GPRIN3: variants seen among roughly 807,000 people sequenced by gnomAD.
GPRIN3 encodes G protein-regulated inducer of neurite outgrowth 3.
In GPRIN3, 12 loss-of-function variants were observed where a neutral mutation model predicts 13.7. The observed-to-expected ratio is 0.87, with a 90% CI of 0.56 to 1.42. The LOEUF (loss-of-function observed/expected upper bound fraction) is 1.42, where lower values mean the gene tolerates loss of function less well. Among genes scored for constraint, GPRIN3 ranks in the 40% most tolerant of loss-of-function variants. GPRIN3 has a pLI of 0.00. For missense variants in GPRIN3, 1,009 were observed against 958.7 expected (o/e 1.05, Z -0.69); for synonymous variants, 377 against 372.7 (o/e 1.01, Z -0.13).
Position 89,246,493 on chromosome 4 carries a change from A to G in GPRIN3, c.*1287T>C, listed in dbSNP as rs1723104329. On this transcript the variant is annotated 3_prime_UTR_variant, in exon 2 of 2. Coordinates refer to ENST00000609438, the MANE Select transcript of GPRIN3 (RefSeq NM_198281.3). ...CTCTTCTGGAGACACGGGAGGGCCA[A>G]GGTCCCAGGAAGTATAATCCACCCA... 6.6e-6 allele frequency: 1 copy of G among 152,230 alleles called. No homozygotes were observed. The highest frequency in any genetic ancestry group is 2.1e-4 in the South Asian group (1 of 4,830). The allele number at this position is 152,230 out of a possible 1,614,324, so 9.4% of individuals were successfully genotyped here. A position where few individuals can be genotyped will look rare whatever the true frequency, so the allele number is the denominator to read the frequency against.
At chr4:89,273,511 A>G (rs1724015089) in intron 1 of GPRIN3, among the ~76,000 whole-genome samples, 1 of 152,134 alleles carries the variant, frequency 6.6e-6, no homozygotes, top group African/African-American at 2.4e-5. Flanking sequence ...AAATGGTTAA[A>G]CCCTGTCTCT....
Position 89,248,007 on chromosome 4 carries a change from C to CGTCCAAG in GPRIN3, c.2097_2103dup (p.Ala702LeufsTer22). ...TGGATCGCGATTCCCAGGGACTCTG[C>CGTCCAAG]GTCCAAGGATGCACCATACACTTCC... is the stretch of plus-strand genomic sequence containing the variant. On this transcript the variant is annotated frameshift_variant, in exon 2 of 2. Transcript: ENST00000609438. LOFTEE classifies it high-confidence loss of function. The CGTCCAAG allele has an allele frequency of 6.2e-7, 1 of 1,614,076 alleles. No homozygotes were observed.
intron 1 of GPRIN3, among the ~76,000 whole-genome samples, chr4:89,265,197 A>T (rs1364519075): frequency 2.6e-5 from 4 of 152,150 alleles, no homozygotes; most frequent in African/African-American, 9.7e-5. Flanking sequence ...TGCCACCATA[A>T]TTATTATTAT....
chr4:89,253,848 C>G (rs1044687347), intron 1 of GPRIN3, among the ~76,000 whole-genome samples: 1 of 152,130 alleles, frequency 6.6e-6, no homozygotes, highest in Admixed American at 6.5e-5. Context: ...ATGGAATTGT[C>G]ACAGCATCTC....
chr4:89,248,392 G>C lies in GPRIN3; in HGVS notation c.1719C>G (p.Gly573=), dbSNP rs1453380216. ...LLNPKSQESG[G]TESAANPTPS... ...GTGTAGGATTAGCAGCTGATTCTGT[G>C]CCTCCACTTTCTTGGGATTTAGGAT... Residue 573 remains glycine, a synonymous_variant, in exon 2 of 2, where the codon GGC becomes GGG. Coordinates refer to ENST00000609438, the MANE Select transcript of GPRIN3 (RefSeq NM_198281.3). The C allele has an allele frequency of 1.2e-6, 2 of 1,614,100 alleles. No individual in the cohort carries two copies. Among genetic ancestry groups the C allele is most frequent in the African/African-American group, 1.3e-5 (1 of 75,018 alleles).
chr4:89,248,844 T>C lies in GPRIN3; in HGVS notation c.1267A>G (p.Ile423Val). 3 of 1,614,196 alleles carry C rather than the reference T, an allele frequency of 1.9e-6. No homozygotes were observed. The highest frequency in any genetic ancestry group is 1.1e-5 in the South Asian group (1 of 91,086). ...LPGGVLKTSS[I>V]NLVSSNAQHT... is the part of the protein sequence containing the mutation. ...TGGGCATTACTGGAGACCAAATTGA[T>C]TGATGAGGTTTTAAGGACCCCACCT... The change falls in exon 2 of 2, where the codon ATC becomes GTC. Residue 423 changes from isoleucine to valine, a missense_variant. Transcript: ENST00000609438.
rs1367672309 is a variant in GPRIN3 at position 89,237,569 on chromosome 4, G to A, written c.*10211C>T. ...GACACAGCAAACAGGCACCACACGT[G>A]AGCCGGCAAGTAGGCCCTCACCAGA... On this transcript the variant is annotated 3_prime_UTR_variant, in exon 2 of 2. Transcript: ENST00000609438. 1 of 152,120 alleles carries A rather than the reference G, an allele frequency of 6.6e-6. No individual in the cohort carries two copies. The highest frequency in any genetic ancestry group is 1.5e-5 in the Non-Finnish European group (1 of 68,032). 9.4% of individuals were successfully genotyped at this position (152,120 alleles called of 1,614,324 possible).
chr4:89,248,941 T>G lies in GPRIN3; in HGVS notation c.1170A>C (p.Pro390=). The change falls in exon 2 of 2, where the codon CCA becomes CCC. Residue 390 remains proline, a synonymous_variant. Coordinates refer to ENST00000609438, the MANE Select transcript of GPRIN3 (RefSeq NM_198281.3). ...QESSQCPGIM[P]QVHIQAAAAE... ...CTGCAGCTGCCTGAATGTGCACCTGTGGCATGATGCCAGGGCACTGGCTGG... is the reference window on the plus strand; with the variant it reads ...CTGCAGCTGCCTGAATGTGCACCTGGGGCATGATGCCAGGGCACTGGCTGG... 6.8e-6 allele frequency: 11 copies of G among 1,614,148 alleles called. No homozygotes were observed. Among genetic ancestry groups the G allele is most frequent in the Non-Finnish European group, 9.3e-6 (11 of 1,179,992 alleles).
intron 1 of GPRIN3, among the ~76,000 whole-genome samples, chr4:89,261,166 C>T (rs1723611209): frequency 6.6e-6 from 1 of 152,042 alleles, no homozygotes. Context: ...AGTTTCTCAC[C>T]CTGGAACTAT....
chr4:89,277,781 C>A (rs553396925), intron 1 of GPRIN3, among the ~76,000 whole-genome samples: 114 of 152,302 alleles, frequency 7.5e-4, no homozygotes, highest in African/African-American at 2.6e-3. Context: ...ATCCAAAGGA[C>A]TTTCTGCCCT....
At chr4:89,276,212 G>C (rs927427422) in intron 1 of GPRIN3, among the ~76,000 whole-genome samples, 11 of 152,064 alleles carry the variant, frequency 7.2e-5, no homozygotes, top group African/African-American at 2.7e-4. Context: ...CTATGCACCA[G>C]ATATCATGTA....
rs556612207 is a variant in GPRIN3, at chr4:89,239,340, T to A, written c.*8440A>T. ...TAATTTTTCTGGGTATTATTCAAATTAATACACATCTTTCAAAAATAATCA... is the reference window on the plus strand; with the variant it reads ...TAATTTTTCTGGGTATTATTCAAATAAATACACATCTTTCAAAAATAATCA... On this transcript the variant is annotated 3_prime_UTR_variant, in exon 2 of 2. Coordinates refer to ENST00000609438, the MANE Select transcript of GPRIN3 (RefSeq NM_198281.3). 393 of 152,276 alleles carry A rather than the reference T, an allele frequency of 2.6e-3. 5 individuals carry two copies. Among genetic ancestry groups the A allele is most frequent in the African/African-American group, 9.1e-3 (377 of 41,570 alleles). 9.4% of individuals were successfully genotyped at this position (152,276 alleles called of 1,614,324 possible). A position where few individuals can be genotyped will look rare whatever the true frequency, so the allele number is the denominator to read the frequency against.
Position 89,243,263 on chromosome 4 carries a change from A to G in GPRIN3, c.*4517T>C, listed in dbSNP as rs1390674751. The G allele has an allele frequency of 6.6e-6, 1 of 152,176 alleles. No individual in the cohort carries two copies. Among genetic ancestry groups the G allele is most frequent in the African/African-American group, 2.4e-5 (1 of 41,444 alleles). 9.4% of individuals were successfully genotyped at this position (152,176 alleles called of 1,614,324 possible). On this transcript the variant is annotated 3_prime_UTR_variant, in exon 2 of 2. Coordinates refer to ENST00000609438, the MANE Select transcript of GPRIN3 (RefSeq NM_198281.3). ...ACTATTTTTTTTCCCATTTGCAAAA[A>G]TGTCTAAAATTTTGTAGACATCCTT... is the stretch of plus-strand genomic sequence containing the variant.
chr4:89,306,488 C>T (rs1047692018), intron 1 of GPRIN3, among the ~76,000 whole-genome samples: 2 of 152,188 alleles, frequency 1.3e-5, no homozygotes, highest in Non-Finnish European at 2.9e-5. Context: ...TCTAGTCCCA[C>T]CATGACCCAG....
chr4:89,259,875 ACAC>A (rs756900043), intron 1 of GPRIN3, among the ~76,000 whole-genome samples: 1 of 152,192 alleles, frequency 6.6e-6, no homozygotes, highest in Non-Finnish European at 1.5e-5. Flanking sequence ...CTCACATCAG[ACAC>A]CACCAAGTCA....
chr4:89,300,591 T>C (rs1456551806), intron 1 of GPRIN3, among the ~76,000 whole-genome samples: 1 of 152,114 alleles, frequency 6.6e-6, no homozygotes, highest in African/African-American at 2.4e-5. Flanking sequence ...ACAGGTAAAG[T>C]GAAGAGTACC....
intron 1 of GPRIN3, among the ~76,000 whole-genome samples, chr4:89,287,948 G>C (rs1023129733): frequency 1.3e-5 from 2 of 152,146 alleles, no homozygotes; most frequent in Non-Finnish European, 2.9e-5. Flanking sequence ...TCAGTGTCAG[G>C]CCAGCAAACT....
At chr4:89,288,592 T>C (rs1054000654) in intron 1 of GPRIN3, among the ~76,000 whole-genome samples, 7 of 152,210 alleles carry the variant, frequency 4.6e-5, no homozygotes, top group Non-Finnish European at 7.3e-5. Flanking sequence ...AATTTGTTTT[T>C]CCATGCAGGG....
chr4:89,299,287 G>A (rs955398977), intron 1 of GPRIN3, among the ~76,000 whole-genome samples: 19 of 151,940 alleles, frequency 1.3e-4, no homozygotes, highest in Admixed American at 6.6e-4. Flanking sequence ...CTGTCTTCTC[G>A]GAGTGAAGCT....
Sources: allele counts gnomAD v4.1 joint callset (sites outside exome capture counted in the v4.1 genomes callset), GRCh38; gene constraint gnomAD v4.1.1; transcripts MANE v1.5; gene names NCBI Gene and HGNC (gene_info 2026-07-23, HGNC 2026-07-21).